The following ADGRB3 variants were observed in gnomAD, a reference collection of about 807,000 sequenced individuals.
ADGRB3 encodes brain-specific angiogenesis inhibitor 3.
In ADGRB3, 37 loss-of-function variants were observed where a neutral mutation model predicts 193.4. That is an observed-to-expected ratio of 0.19 (90% CI 0.15 to 0.25). The LOEUF (loss-of-function observed/expected upper bound fraction) is 0.25. Ranked by LOEUF, ADGRB3 falls within the 10% of genes least tolerant of loss-of-function variation. The pLI, the probability that ADGRB3 is intolerant of heterozygous loss-of-function variation, is 1.00. For synonymous variants in ADGRB3, 690 were observed against 644.2 expected (o/e 1.07, Z -1.08); for missense variants, 1,637 against 1,852.9 (o/e 0.88, Z 2.14).
chr6:68,905,793 C>G (rs953108057), intron 3 of ADGRB3, among the ~76,000 whole-genome samples: 1 of 152,160 alleles, frequency 6.6e-6, no homozygotes, highest in African/African-American at 2.4e-5. Context: ...ACTCTTCCCT[C>G]TAGCTATTGT....
intron 3 of ADGRB3, among the ~76,000 whole-genome samples, chr6:68,640,259 G>A (rs1197338762): frequency 1.3e-5 from 2 of 152,172 alleles, no homozygotes; most frequent in African/African-American, 4.8e-5. Flanking sequence ...GAATGTCTCA[G>A]AGCTAGCTGG....
intron 3 of ADGRB3, among the ~76,000 whole-genome samples, chr6:68,761,193 A>T (rs190043444): frequency 6.6e-6 from 1 of 152,104 alleles, no homozygotes; most frequent in Non-Finnish European, 1.5e-5. Flanking sequence ...TAAGGCAGGA[A>T]CTCCCCACCT....
At chr6:68,672,150 CT>C (rs147598760) in intron 3 of ADGRB3, among the ~76,000 whole-genome samples, 5 of 150,976 alleles carry the variant, frequency 3.3e-5, no homozygotes, top group Admixed American at 6.6e-5. Context: ...AATCCTCTCT[CT>C]TTTTTTTTCT....
chr6:69,123,988 TA>T (rs1169253739), intron 17 of ADGRB3, among the ~76,000 whole-genome samples: 15 of 152,178 alleles, frequency 9.9e-5, no homozygotes, highest in Non-Finnish European at 1.5e-4. Flanking sequence ...CATTTTCACT[TA>T]ATTAATACCT....
chr6:69,204,660 T>C (rs1034406775), intron 17 of ADGRB3, among the ~76,000 whole-genome samples: 3 of 152,226 alleles, frequency 2.0e-5, no homozygotes, highest in African/African-American at 7.2e-5. Context: ...CCCTGCTCAG[T>C]TGCTTTGTTC....
At chr6:69,195,997 T>A (rs1452470862) in intron 17 of ADGRB3, among the ~76,000 whole-genome samples, 1 of 152,142 alleles carries the variant, frequency 6.6e-6, no homozygotes, top group Admixed American at 6.6e-5. Flanking sequence ...AAATATCATA[T>A]CTTAGATGTT....
At position 68,868,951 on chromosome 6, in the gene ADGRB3, G is replaced by GTGTGTGTT. The variant is rs781022363; in HGVS notation, c.758-61607_758-61606insGTGTGTTT. ...TGTGTGTGTGTGTGTGAGTGTGTGT[G>GTGTGTGTT]TTTAAACTTAATCTTAGCATCCTAT... On this transcript the variant is annotated intron_variant, in intron 3 of 31. Transcript: ENST00000370598. Among the ~76,000 whole-genome samples the GTGTGTGTT allele has an allele frequency of 7.7e-3, 1,151 of 150,434 alleles. 12 individuals are homozygous for GTGTGTGTT. Among genetic ancestry groups the GTGTGTGTT allele is most frequent in the Non-Finnish European group, 9.8e-3 (663 of 67,642 alleles).
chr6:68,948,905 T>C (rs1368341857), intron 6 of ADGRB3, among the ~76,000 whole-genome samples: 1 of 152,100 alleles, frequency 6.6e-6, no homozygotes, highest in Non-Finnish European at 1.5e-5. Flanking sequence ...TCAGAAGATA[T>C]GGATTAAAGT....
intron 11 of ADGRB3, among the ~76,000 whole-genome samples, chr6:69,004,441 T>A (rs376575132): frequency 1.3e-5 from 2 of 152,106 alleles, no homozygotes; most frequent in Non-Finnish European, 2.9e-5. Context: ...TACTTTAAGT[T>A]CTAGGGTACA....
At chr6:69,011,594 C>T (rs1478210512) in intron 11 of ADGRB3, among the ~76,000 whole-genome samples, 1 of 151,906 alleles carries the variant, frequency 6.6e-6, no homozygotes, top group African/African-American at 2.4e-5. Context: ...ACAATAAACC[C>T]AGGTAACACA....
intron 3 of ADGRB3, among the ~76,000 whole-genome samples, chr6:68,796,118 C>T (rs865950896): frequency 2.0e-5 from 3 of 152,046 alleles, no homozygotes; most frequent in South Asian, 2.1e-4. Flanking sequence ...TTTTGAATTT[C>T]ATCCTTTGCC....
rs1775537549 is a variant in ADGRB3, at chr6:69,180,013, G to A, written c.2481-53277G>A. On this transcript the variant is annotated intron_variant, in intron 17 of 31. Coordinates refer to ENST00000370598, the MANE Select transcript of ADGRB3 (RefSeq NM_001704.3). ...CCAGACTGGGCATGTCCACCTGCAG[G>A]TCCCCCAGTGGCAGGCAAAAGCACC... is the stretch of plus-strand genomic sequence containing the variant. Among the ~76,000 whole-genome samples the A allele has an allele frequency of 2.6e-5, 4 of 152,332 alleles. 1 individual carries two copies. The South Asian group carries it at 8.3e-4, about 32-fold the overall frequency.
At chr6:69,299,205 C>T (rs777183657) in intron 20 of ADGRB3, among the ~76,000 whole-genome samples, 1 of 151,370 alleles carries the variant, frequency 6.6e-6, no homozygotes, top group Non-Finnish European at 1.5e-5. Context: ...CTATTCACAT[C>T]TTTTTTTTCA....
At chr6:68,707,465 C>A (rs9346234) in intron 3 of ADGRB3, among the ~76,000 whole-genome samples, 63,038 of 151,836 alleles carry the variant, frequency 0.42, 13,863 homozygotes, top group African/African-American at 0.56. Context: ...CAATATATGC[C>A]ATTTATTAGT....
At chr6:69,139,846 A>G (rs1365477970) in intron 17 of ADGRB3, among the ~76,000 whole-genome samples, 7 of 152,250 alleles carry the variant, frequency 4.6e-5, no homozygotes, top group Admixed American at 3.9e-4. Flanking sequence ...AACTCTCAAT[A>G]TAAAGTGAAT....
intron 17 of ADGRB3, among the ~76,000 whole-genome samples, chr6:69,136,387 A>G (rs1774150024): frequency 6.6e-6 from 1 of 152,128 alleles, no homozygotes; most frequent in Non-Finnish European, 1.5e-5. Flanking sequence ...TTTTCTCTAT[A>G]AATGTAGCAC....
At chr6:69,359,080 A>C (rs1264628211) in intron 28 of ADGRB3, among the ~76,000 whole-genome samples, 2 of 151,742 alleles carry the variant, frequency 1.3e-5, no homozygotes, top group Admixed American at 6.6e-5. Flanking sequence ...CTTCCTTTAT[A>C]GTTTTTTAAT....
intron 20 of ADGRB3, among the ~76,000 whole-genome samples, chr6:69,294,731 T>G (rs1767771001): frequency 6.6e-6 from 1 of 152,178 alleles, no homozygotes; most frequent in African/African-American, 2.4e-5. Flanking sequence ...AGATACTGCC[T>G]GGGTTATATA....
rs370320050 is a variant in ADGRB3, at chr6:68,863,777, C to T, written c.758-66782C>T. ...CCTGTAAGCTCAGAAATCAGCCTTA[C>T]TTAGGCTCTCTCAATATCCGTTACA... On this transcript the variant is annotated intron_variant, in intron 3 of 31. Coordinates refer to ENST00000370598, the MANE Select transcript of ADGRB3 (RefSeq NM_001704.3). Among the ~76,000 whole-genome samples, 792 of 152,234 alleles carry T rather than the reference C, an allele frequency of 5.2e-3. 3 individuals are homozygous for T. The highest frequency in any genetic ancestry group is 0.012 in the South Asian group (57 of 4,820).
Sources: allele counts gnomAD v4.1 joint callset (sites outside exome capture counted in the v4.1 genomes callset), GRCh38; gene constraint gnomAD v4.1.1; transcripts MANE v1.5; gene names NCBI Gene and HGNC (gene_info 2026-07-23, HGNC 2026-07-21).